Variants in RSF1 observed in about 807,000 individuals in gnomAD.
The protein encoded by RSF1 is remodeling and spacing factor 1, also known as HBV pX-associated protein 8.
Under a neutral mutation model 145.2 loss-of-function variants are expected in RSF1, and 13 were observed. The ratio of observed to expected loss-of-function variants is 0.09; its 90% CI spans 0.06 to 0.14. The LOEUF (loss-of-function observed/expected upper bound fraction) is 0.14, where lower values mean the gene tolerates loss of function less well. Among genes scored for constraint, RSF1 ranks in the 10% least tolerant of loss-of-function variants. The pLI is 1.00. For missense variants in RSF1, 1,517 were observed against 1,718.2 expected (o/e 0.88, Z 2.07); for synonymous variants, 577 against 592.6 (o/e 0.97, Z 0.38).
the RSF1 span, among the ~76,000 whole-genome samples, chr11:77,857,130 T>C: frequency 2.0e-5 from 3 of 152,334 alleles, no homozygotes; most frequent in Admixed American, 1.3e-4. Flanking sequence ...ATAAATCACC[T>C]TTTCTGCCTT....
chr11:77,703,808 A>G (rs1447483946), intron 5 of RSF1, among the ~76,000 whole-genome samples: 1 of 144,930 alleles, frequency 6.9e-6, no homozygotes, highest in Non-Finnish European at 1.5e-5. Flanking sequence ...TCAAAATATA[A>G]AAGTCCTACA....
Position 77,728,620 on chromosome 11 carries a change from G to A in RSF1, c.579-2921C>T, listed in dbSNP as rs545784386. On this transcript the variant is annotated intron_variant, in intron 4 of 15. Coordinates refer to ENST00000308488, the MANE Select transcript of RSF1 (RefSeq NM_016578.4). ...GGAAGGGAAGGGAAGGGAGAAGGGA[G>A]ACGGGAGAAGGGAAGGGAAGGAAAG... 2.6e-5 allele frequency among the ~76,000 whole-genome samples: 4 copies of A among 151,562 alleles called. No individual in the cohort carries two copies. In the South Asian group the frequency reaches 8.4e-4, roughly 32 times the overall value.
rs893912161 is a variant in RSF1, at chr11:77,666,769, A to C, written c.*148T>G. On this transcript the variant is annotated 3_prime_UTR_variant, in exon 16 of 16. Coordinates refer to ENST00000308488, the MANE Select transcript of RSF1 (RefSeq NM_016578.4). ...CAAAGTTCAGAACTGGTCACTTCAC[A>C]GAAAGACTTCAGGATTTGTTGAAAT... is the stretch of plus-strand genomic sequence containing the variant. 1.8e-6 allele frequency: 1 copy of C among 557,768 alleles called. No homozygotes were observed. Among genetic ancestry groups the C allele is most frequent in the Non-Finnish European group, 3.0e-6 (1 of 335,354 alleles). 34.6% of individuals were successfully genotyped at this position (557,768 alleles called of 1,614,324 possible).
chr11:77,766,496 A>G (rs1444814606), intron 1 of RSF1, among the ~76,000 whole-genome samples: 1 of 151,590 alleles, frequency 6.6e-6, no homozygotes, highest in African/African-American at 2.4e-5. Context: ...TAGCAGGTAG[A>G]GTGGTGGGTT....
At chr11:77,845,303 T>C in the RSF1 span, among the ~76,000 whole-genome samples, 1 of 152,210 alleles carries the variant, frequency 6.6e-6, no homozygotes, top group South Asian at 2.1e-4. Flanking sequence ...TTCTTTCCTT[T>C]GTCTCAGACT....
Position 77,663,060 on chromosome 11 carries a change from G to A in RSF1, c.*3857C>T, listed in dbSNP as rs576540582. The A allele has an allele frequency of 7.2e-5, 11 of 152,244 alleles. No individual in the cohort carries two copies. The highest frequency in any genetic ancestry group is 2.6e-4 in the African/African-American group (11 of 41,554). The allele number at this position is 152,244 out of a possible 1,614,324, so 9.4% of individuals were successfully genotyped here. A position where few individuals can be genotyped will look rare whatever the true frequency, so the allele number is the denominator to read the frequency against. The stretch of plus-strand genomic sequence containing the variant: ...ATATACACATGTACCATTTAACTCT[G>A]GGTCTTTGAATAGTTGTTCTATAGC... On this transcript the variant is annotated 3_prime_UTR_variant, in exon 16 of 16. Coordinates refer to ENST00000308488, the MANE Select transcript of RSF1 (RefSeq NM_016578.4).
rs1168495427 is a variant in RSF1 at position 77,662,326 on chromosome 11, G to C, written c.*4591C>G. Reference sequence around the variant, plus strand: ...GAAAGGAAAAAAAAAATTGTGCTCAGGTGTCCAAAAGGAGGAAAAAAGGTC... The same window carrying C: ...GAAAGGAAAAAAAAAATTGTGCTCACGTGTCCAAAAGGAGGAAAAAAGGTC... On this transcript the variant is annotated 3_prime_UTR_variant, in exon 16 of 16. Transcript: ENST00000308488. 6.6e-6 allele frequency: 1 copy of C among 151,986 alleles called. No individual in the cohort carries two copies. Among genetic ancestry groups the C allele is most frequent in the African/African-American group, 2.4e-5 (1 of 41,404 alleles). 9.4% of individuals were successfully genotyped at this position (151,986 alleles called of 1,614,324 possible).
chr11:77,736,578 G>A (rs1961358566), intron 4 of RSF1, among the ~76,000 whole-genome samples: 1 of 152,096 alleles, frequency 6.6e-6, no homozygotes, highest in Admixed American at 6.5e-5. Flanking sequence ...TTCAACCTTT[G>A]CAACAATGAG....
Position 77,662,721 on chromosome 11 carries a change from A to G in RSF1, c.*4196T>C, listed in dbSNP as rs1317775005. The G allele has an allele frequency of 6.6e-6, 1 of 152,170 alleles. No homozygotes were observed. Among genetic ancestry groups the G allele is most frequent in the Non-Finnish European group, 1.5e-5 (1 of 68,008 alleles). The allele number at this position is 152,170 out of a possible 1,614,324, so 9.4% of individuals were successfully genotyped here. A position where few individuals can be genotyped will look rare whatever the true frequency, so the allele number is the denominator to read the frequency against. ...GGTTTACAGGCACACACTTTGGGAA[A>G]GGTAGATGATATAGGAATGGATTTT... On this transcript the variant is annotated 3_prime_UTR_variant, in exon 16 of 16. Transcript: ENST00000308488.
At chr11:77,868,692 GTTGTTGTTT>G in the RSF1 span, 1,392 of 191,710 alleles carry the variant, frequency 7.3e-3, 10 homozygotes, top group Non-Finnish European at 0.011. Context: ...TGTTGTTGTT[GTTGTTGTTT>G]TTTAACACAA....
At chr11:77,740,107 G>A (rs1326703821) in intron 4 of RSF1, among the ~76,000 whole-genome samples, 1 of 152,270 alleles carries the variant, frequency 6.6e-6, no homozygotes, top group Non-Finnish European at 1.5e-5. Flanking sequence ...TGGGCCTGGT[G>A]GCCAACGCCT....
At chr11:77,846,926 T>C in the RSF1 span, among the ~76,000 whole-genome samples, 1 of 152,196 alleles carries the variant, frequency 6.6e-6, no homozygotes, top group African/African-American at 2.4e-5. Context: ...TATTTGCTTC[T>C]TTTCTGTATC....
chr11:77,758,005 A>C (rs927988435), intron 2 of RSF1, among the ~76,000 whole-genome samples: 2 of 151,966 alleles, frequency 1.3e-5, no homozygotes, highest in Non-Finnish European at 2.9e-5. Flanking sequence ...TGGTAGCGTG[A>C]GTCTGTAGTT....
the RSF1 span, among the ~76,000 whole-genome samples, chr11:77,859,778 ATCTTT>A: frequency 2.6e-5 from 4 of 152,252 alleles, no homozygotes; most frequent in Non-Finnish European, 5.9e-5. Context: ...GTTATGTTCT[ATCTTT>A]TCTTCATTGT....
intron 1 of RSF1, among the ~76,000 whole-genome samples, chr11:77,768,491 T>G (rs755457810): frequency 1.2e-4 from 18 of 152,202 alleles, no homozygotes; most frequent in Non-Finnish European, 2.6e-4. Flanking sequence ...TACTTTCTTT[T>G]GTACTAAGTA....
At chr11:77,710,159 T>TA (rs201806358) in intron 5 of RSF1, among the ~76,000 whole-genome samples, 48 of 151,602 alleles carry the variant, frequency 3.2e-4, no homozygotes, top group Non-Finnish European at 4.4e-4. Flanking sequence ...TTTTTTAAAT[T>TA]AAAAAAAAAT....
At chr11:77,691,097 TAC>T in intron 9 of RSF1, 60 bp downstream of exon 9, 1 of 1,457,772 alleles carries the variant, frequency 6.9e-7, no homozygotes, top group Non-Finnish European at 9.6e-7. Context: ...CATTTATCCA[TAC>T]AGTGAGACAA....
intron 1 of RSF1, among the ~76,000 whole-genome samples, chr11:77,777,546 T>TG (rs531710255): frequency 2.0e-5 from 3 of 152,134 alleles, no homozygotes; most frequent in Non-Finnish European, 4.4e-5. Context: ...TGAGCCAAGA[T>TG]GGCACCATTG....
chr11:77,808,334 A>G (rs545478462), intron 1 of RSF1, among the ~76,000 whole-genome samples: 3 of 102,312 alleles, frequency 2.9e-5, no homozygotes, highest in Admixed American at 1.2e-4. Context: ...TCTGTCTAAA[A>G]AAACAAACAA....
Sources: gnomAD v4.1 joint callset for allele counts (sites outside exome capture counted in the v4.1 genomes callset) on GRCh38, gnomAD v4.1.1 for gene constraint, MANE v1.5 for transcripts, NCBI Gene and HGNC (gene_info 2026-07-23, HGNC 2026-07-21) for gene names.